Variants in SYT1 observed in about 807,000 individuals in gnomAD.
The protein encoded by SYT1 is synaptotagmin-1.
In SYT1, 8 loss-of-function variants were observed where a neutral mutation model predicts 44.8. The ratio of observed to expected loss-of-function variants is 0.18; its 90% CI spans 0.10 to 0.32. SYT1 has a LOEUF of 0.32. Ranked by LOEUF, SYT1 falls within the 10% of genes least tolerant of loss-of-function variation. SYT1 has a pLI of 1.00. For missense variants in SYT1, 286 were observed against 509.3 expected, an observed-to-expected ratio of 0.56 and a Z score of 4.22; for synonymous variants, 154 against 188.8, an observed-to-expected ratio of 0.82 and a Z score of 1.51.
chr12:79,082,067 G>A lies in SYT1; in HGVS notation c.-18+34705G>A, dbSNP rs1303043425. ...AACTATTGTGGCCAAGATGAATAAT[G>A]TAGTAAGCTGGACCTCAAATGCCCA... On this transcript the variant is annotated intron_variant, in intron 3 of 10. Transcript: ENST00000261205. Among the ~76,000 whole-genome samples, 7 of 152,274 alleles carry A rather than the reference G, an allele frequency of 4.6e-5. No homozygotes were observed. In the East Asian group the frequency reaches 1.2e-3, roughly 25 times the overall value.
chr12:79,044,109 A>T (rs1425784262), intron 2 of SYT1, among the ~76,000 whole-genome samples: 5 of 151,728 alleles, frequency 3.3e-5, no homozygotes, highest in Non-Finnish European at 7.4e-5. Context: ...TGTGTCTTGG[A>T]GTTGCTCTTC....
intron 3 of SYT1, among the ~76,000 whole-genome samples, chr12:79,171,103 T>C (rs1045987120): frequency 1.3e-5 from 2 of 152,072 alleles, no homozygotes; most frequent in African/African-American, 2.4e-5. Context: ...AGCCCTACAA[T>C]ATAGTTTGAA....
In SYT1 at chr12:79,067,678, T is replaced by G. The variant is rs11112593; in HGVS notation, c.-18+20316T>G. 5.7e-3 allele frequency among the ~76,000 whole-genome samples: 866 copies of G among 152,274 alleles called. 31 individuals are homozygous for G. The East Asian group carries it at 0.093, about 16-fold the overall frequency. ...ATGCAGAGGTGTAGGGGATTCCAGG[T>G]AAAACATCAATACCAACTGTACTTT... On this transcript the variant is annotated intron_variant, in intron 3 of 10. Transcript: ENST00000261205.
At chr12:79,360,017 G>A (rs1883257533) in intron 9 of SYT1, among the ~76,000 whole-genome samples, 1 of 152,120 alleles carries the variant, frequency 6.6e-6, no homozygotes, top group African/African-American at 2.4e-5. Flanking sequence ...ACCAAGCTGT[G>A]ACTGAGTATC....
At chr12:79,335,082 G>T (rs897385619) in intron 8 of SYT1, among the ~76,000 whole-genome samples, 1 of 151,964 alleles carries the variant, frequency 6.6e-6, no homozygotes, top group Non-Finnish European at 1.5e-5. Context: ...CAGGTGTGTT[G>T]ACCTCCCTCT....
intron 3 of SYT1, among the ~76,000 whole-genome samples, chr12:79,091,719 G>T (rs2138004701): frequency 6.6e-6 from 1 of 152,064 alleles, no homozygotes; most frequent in East Asian, 1.9e-4. Flanking sequence ...AGTCTAAATT[G>T]TAGGTAAATA....
intron 1 of SYT1, among the ~76,000 whole-genome samples, chr12:78,899,930 C>A (rs745491010): frequency 6.6e-6 from 1 of 151,974 alleles, no homozygotes; most frequent in East Asian, 1.9e-4. Flanking sequence ...TTAGCTCCTA[C>A]TTTTTAATCT....
intron 3 of SYT1, among the ~76,000 whole-genome samples, chr12:79,195,895 A>G (rs1873423118): frequency 1.3e-5 from 2 of 152,168 alleles, no homozygotes; most frequent in Admixed American, 1.3e-4. Flanking sequence ...TACTGTATCT[A>G]TGGATTTCTT....
intron 1 of SYT1, among the ~76,000 whole-genome samples, chr12:78,897,073 T>G (rs1051400942): frequency 6.6e-6 from 1 of 151,878 alleles, no homozygotes; most frequent in Non-Finnish European, 1.5e-5. Flanking sequence ...ATATTCGAGG[T>G]AAATTTTATT....
chr12:78,949,867 T>C (rs572689316), intron 1 of SYT1, among the ~76,000 whole-genome samples: 32 of 152,096 alleles, frequency 2.1e-4, no homozygotes, highest in African/African-American at 7.0e-4. Flanking sequence ...CTAAATTCTA[T>C]TGGATTATCT....
Position 78,983,246 on chromosome 12 carries a change from A to G in SYT1, c.-84+5315A>G, listed in dbSNP as rs1869401446. 2.0e-5 allele frequency among the ~76,000 whole-genome samples: 3 copies of G among 152,130 alleles called. No individual in the cohort carries two copies. The South Asian group carries it at 6.2e-4, about 31-fold the overall frequency. ...GGAACAAATAAATTCATAAATTTAC[A>G]TATTAGATAAGATGAATTGCCGGAG... is the stretch of plus-strand genomic sequence containing the variant. On this transcript the variant is annotated intron_variant, in intron 2 of 10. Transcript: ENST00000261205.
At chr12:79,062,120 G>C (rs1875435141) in intron 3 of SYT1, among the ~76,000 whole-genome samples, 1 of 152,028 alleles carries the variant, frequency 6.6e-6, no homozygotes, top group Admixed American at 6.6e-5. Flanking sequence ...TCAATAACAT[G>C]ATCCATAATG....
At chr12:79,346,011 G>A (rs1011225591) in intron 8 of SYT1, among the ~76,000 whole-genome samples, 3 of 152,118 alleles carry the variant, frequency 2.0e-5, no homozygotes, top group African/African-American at 7.2e-5. Context: ...TAAATAGAAT[G>A]TCCTTTTAAA....
At chr12:79,246,990 T>C (rs1876888947) in intron 4 of SYT1, among the ~76,000 whole-genome samples, 1 of 152,150 alleles carries the variant, frequency 6.6e-6, no homozygotes, top group Non-Finnish European at 1.5e-5. Flanking sequence ...GATAGAGTGA[T>C]AGAAGTAAAG....
intron 3 of SYT1, among the ~76,000 whole-genome samples, chr12:79,165,095 C>T (rs1394103563): frequency 1.3e-5 from 2 of 151,926 alleles, no homozygotes; most frequent in East Asian, 3.9e-4. Context: ...TTTTTGCTGA[C>T]TAGTGTCCCA....
At chr12:78,875,439 C>A (rs1874015230) in intron 1 of SYT1, among the ~76,000 whole-genome samples, 2 of 151,278 alleles carry the variant, frequency 1.3e-5, no homozygotes, top group Admixed American at 1.3e-4. Flanking sequence ...TAAAACAGAG[C>A]AATAGTGGGG....
At chr12:78,988,168 C>A (rs994909306) in intron 2 of SYT1, among the ~76,000 whole-genome samples, 4 of 151,648 alleles carry the variant, frequency 2.6e-5, no homozygotes, top group African/African-American at 9.7e-5. Flanking sequence ...AGGCATTATA[C>A]CTGGTGCTGG....
At chr12:78,875,050 G>T (rs1042839239) in intron 1 of SYT1, among the ~76,000 whole-genome samples, 1 of 151,580 alleles carries the variant, frequency 6.6e-6, no homozygotes, top group Admixed American at 6.6e-5. Flanking sequence ...GCGTGTAAAT[G>T]AGAATTTCAA....
At chr12:78,968,269 T>G (rs2137375277) in intron 1 of SYT1, among the ~76,000 whole-genome samples, 1 of 151,500 alleles carries the variant, frequency 6.6e-6, no homozygotes. Context: ...GGATTAGGAG[T>G]CTATTAGGTT....
Sources: allele counts gnomAD v4.1 joint callset (sites outside exome capture counted in the v4.1 genomes callset), GRCh38; gene constraint gnomAD v4.1.1; transcripts MANE v1.5; gene names NCBI Gene and HGNC (gene_info 2026-07-23, HGNC 2026-07-21).